The following SIM1 variants were observed in gnomAD, a reference collection of about 807,000 sequenced individuals.
SIM1 encodes the protein SIM bHLH transcription factor 1, also known as single-minded homolog 1.
A neutral mutation model predicts 78.2 loss-of-function variants in SIM1; 18 were observed. The ratio of observed to expected loss-of-function variants is 0.23; its 90% CI spans 0.16 to 0.34. The LOEUF is 0.34. SIM1 is among the 10% of genes least tolerant of loss of function. SIM1 has a pLI of 1.00. For synonymous variants in SIM1, 417 were observed against 385.2 expected (o/e 1.08, Z -0.97); for missense variants, 939 against 975.1 (o/e 0.96, Z 0.49).
chr6:100,393,892 G>A lies in SIM1; in HGVS notation c.1168-3C>T. On this transcript the variant is annotated splice_region_variant and splice_polypyrimidine_tract_variant and intron_variant, in intron 10 of 11. Coordinates refer to ENST00000369208, the MANE Select transcript of SIM1 (RefSeq NM_005068.3). ...CTTTCTGTGTGAAATCCCGAATACT[G>A]AAACCGAGTAGGGGAGAAAAGTCCA... The A allele has an allele frequency of 6.5e-7, 1 of 1,539,020 alleles. No individual in the cohort carries two copies. The highest frequency in any genetic ancestry group is 8.8e-7 in the Non-Finnish European group (1 of 1,140,516).
intron 2 of SIM1, among the ~76,000 whole-genome samples, chr6:100,460,017 A>T (rs759158204): frequency 6.6e-6 from 1 of 152,212 alleles, no homozygotes; most frequent in Non-Finnish European, 1.5e-5. Context: ...AGAATATGTC[A>T]CTAATTGGCA....
intron 2 of SIM1, among the ~76,000 whole-genome samples, chr6:100,455,921 C>G (rs939668436): frequency 6.6e-6 from 1 of 152,178 alleles, no homozygotes; most frequent in Non-Finnish European, 1.5e-5. Flanking sequence ...CCAGCCTAGG[C>G]CATTTGTTGT....
chr6:100,413,329 T>C (rs1771310692), intron 10 of SIM1, among the ~76,000 whole-genome samples: 1 of 152,158 alleles, frequency 6.6e-6, no homozygotes, highest in African/African-American at 2.4e-5. Flanking sequence ...TAAGGACCTC[T>C]AGGTGGCCAA....
intron 10 of SIM1, among the ~76,000 whole-genome samples, chr6:100,404,943 C>T (rs987146163): frequency 1.3e-5 from 2 of 152,012 alleles, no homozygotes; most frequent in Non-Finnish European, 2.9e-5. Context: ...ATTTTAGTAC[C>T]TAGAAAATAC....
intron 9 of SIM1, among the ~76,000 whole-genome samples, chr6:100,426,247 T>G (rs760122270): frequency 6.6e-6 from 1 of 152,210 alleles, no homozygotes; most frequent in Non-Finnish European, 1.5e-5. Context: ...CACCCATATT[T>G]GCACAGACCA....
chr6:100,447,071 T>C (rs1165217923), intron 9 of SIM1, among the ~76,000 whole-genome samples, 197 bp downstream of exon 9: 1 of 152,232 alleles, frequency 6.6e-6, no homozygotes, highest in Non-Finnish European at 1.5e-5. Context: ...AATCTTTCTC[T>C]AGAATATAAC....
At chr6:100,402,534 T>C (rs1291283091) in intron 10 of SIM1, among the ~76,000 whole-genome samples, 2 of 151,226 alleles carry the variant, frequency 1.3e-5, no homozygotes, top group African/African-American at 4.8e-5. Context: ...TCCTAGCCTT[T>C]CTTGGTATTG....
At chr6:100,448,344 T>C in intron 7 of SIM1, 92 bp from the exon 8 acceptor site, 2 of 1,360,018 alleles carry the variant, frequency 1.5e-6, no homozygotes, top group South Asian at 2.6e-5. Context: ...CACCTAGCTG[T>C]CCGCCCTCAC....
chr6:100,412,758 G>GAAAA (rs756183403), intron 10 of SIM1, among the ~76,000 whole-genome samples: 1 of 134,032 alleles, frequency 7.5e-6, no homozygotes, highest in Admixed American at 8.0e-5. Flanking sequence ...AAAGAAAAAA[G>GAAAA]AAAAGAAAAA....
rs1772902370 is a variant in SIM1 at position 100,463,297 on chromosome 6, C to T, written c.172G>A (p.Glu58Lys). The T allele has an allele frequency of 1.2e-6, 2 of 1,607,506 alleles. No homozygotes were observed. The highest frequency in any genetic ancestry group is 1.7e-6 in the Non-Finnish European group (2 of 1,174,708). The part of the protein sequence containing the change: ...SYLKMRVVFP[E>K]GLGEAWGHSS... ...CCATCTGGGCAAAGTCACTTACCTT[C>T]TGGGAACACCACTCTCATTTTGAGA... The change falls in exon 2 of 12, where the codon GAA becomes AAA. Residue 58 changes from glutamate (E) to lysine (K), a missense_variant. By Grantham distance (56) the Glu-to-Lys change is moderately conservative. Transcript: ENST00000369208.
At chr6:100,398,234 G>A (rs1481971288) in intron 10 of SIM1, among the ~76,000 whole-genome samples, 1 of 152,058 alleles carries the variant, frequency 6.6e-6, no homozygotes, top group East Asian at 1.9e-4. Context: ...CCACTTCCAA[G>A]TCCTCTTTAA....
chr6:100,461,837 CTTTCTTT>C lies in SIM1; in HGVS notation c.175+1450_175+1456del, dbSNP rs1408992953. Among the ~76,000 whole-genome samples, 296 of 72,830 alleles carry C rather than the reference CTTTCTTT, an allele frequency of 4.1e-3. 1 individual carries two copies. The highest frequency in any genetic ancestry group is 0.016 in the African/African-American group (278 of 17,448). 47.8% of individuals were successfully genotyped at this position (72,830 alleles called of 152,430 possible). ...CTTTTTCTTCTTTTTTTCTTTCTTTCTTTCTTTTTTTTTTTTTTTTTTTAATTTTCAG... is the reference window on the plus strand; with the variant it reads ...CTTTTTCTTCTTTTTTTCTTTCTTTCTTTTTTTTTTTTTTTTAATTTTCAG... On this transcript the variant is annotated intron_variant, in intron 2 of 11. Coordinates refer to ENST00000369208, the MANE Select transcript of SIM1 (RefSeq NM_005068.3).
In SIM1 at chr6:100,386,801, C is replaced by T. The variant is rs921689389; in HGVS notation, c.*3560G>A. On this transcript the variant is annotated 3_prime_UTR_variant, in exon 12 of 12. Transcript: ENST00000369208. ...AAGGCAATCATTTATTGCATCCCGT[C>T]TCATTTTGAATGTCACCTCAGCACT... 6.6e-6 allele frequency: 1 copy of T among 152,010 alleles called. No individual in the cohort carries two copies. The highest frequency in any genetic ancestry group is 1.5e-5 in the Non-Finnish European group (1 of 67,930). 9.4% of individuals were successfully genotyped at this position (152,010 alleles called of 1,614,324 possible). A position where few individuals can be genotyped will look rare whatever the true frequency, so the allele number is the denominator to read the frequency against.
At chr6:100,443,712 G>C (rs1246257557) in intron 9 of SIM1, among the ~76,000 whole-genome samples, 3 of 152,022 alleles carry the variant, frequency 2.0e-5, no homozygotes, top group African/African-American at 7.2e-5. Flanking sequence ...CATCATAAAT[G>C]ATACAGTGGC....
rs1249367037 is a variant in SIM1, at chr6:100,450,328, G to A, written c.287C>T (p.Ala96Val). 6.2e-7 allele frequency: 1 copy of A among 1,613,966 alleles called. No individual in the cohort carries two copies. Among genetic ancestry groups the A allele is most frequent in the Admixed American group, 1.7e-5 (1 of 60,006 alleles). The change falls in exon 4 of 12, where the codon GCC (alanine) becomes GTC (valine). Residue 96 changes from alanine (A) to valine (V), a missense_variant. Coordinates refer to ENST00000369208, the MANE Select transcript of SIM1 (RefSeq NM_005068.3). ...GATGTACATGATCTTCCCATCTGGG[G>A]CTACCACGAAGATGAAGCCATCCAG... Reference protein sequence around the residue: ...QTLDGFIFVVAPDGKIMYISE... With the variant: ...QTLDGFIFVVVPDGKIMYISE...
intron 9 of SIM1, among the ~76,000 whole-genome samples, chr6:100,439,767 C>T (rs1772158188): frequency 6.6e-6 from 1 of 152,176 alleles, no homozygotes; most frequent in African/African-American, 2.4e-5. Flanking sequence ...CTTATGATCT[C>T]TTTTTCCCCA....
Position 100,388,427 on chromosome 6 carries a change from A to G in SIM1, c.*1934T>C, listed in dbSNP as rs1163694544. The G allele has an allele frequency of 6.6e-6, 1 of 152,186 alleles. No individual in the cohort carries two copies. The highest frequency in any genetic ancestry group is 2.4e-5 in the African/African-American group (1 of 41,456). The allele number at this position is 152,186 out of a possible 1,614,324, so 9.4% of individuals were successfully genotyped here. ...TATTCAAGGGTCAACTGCACTTTGAATTTTTTGAAAATATATATAACCACT... is the reference window on the plus strand; with the variant it reads ...TATTCAAGGGTCAACTGCACTTTGAGTTTTTTGAAAATATATATAACCACT... On this transcript the variant is annotated 3_prime_UTR_variant, in exon 12 of 12. Transcript: ENST00000369208.
intron 2 of SIM1, among the ~76,000 whole-genome samples, chr6:100,455,366 G>T (rs1454992934): frequency 1.3e-5 from 2 of 152,122 alleles, no homozygotes; most frequent in African/African-American, 2.4e-5. Context: ...TGACTCCACT[G>T]CCCTGGTCCC....
chr6:100,415,715 T>A (rs1384474007), intron 10 of SIM1, among the ~76,000 whole-genome samples: 1 of 152,166 alleles, frequency 6.6e-6, no homozygotes, highest in African/African-American at 2.4e-5. Context: ...AGGAGCACCA[T>A]CATCTCGGAC....
Sources: allele counts gnomAD v4.1 joint callset (sites outside exome capture counted in the v4.1 genomes callset), GRCh38; gene constraint gnomAD v4.1.1; transcripts MANE v1.5; gene names NCBI Gene and HGNC (gene_info 2026-07-23, HGNC 2026-07-21).